The following TOLLIP variants were observed in gnomAD, a reference collection of about 807,000 sequenced individuals.
The protein encoded by TOLLIP is toll interacting protein.
A neutral mutation model predicts 33.5 loss-of-function variants in TOLLIP; 16 were observed. That is an observed-to-expected ratio of 0.48 (90% CI 0.32 to 0.72). The LOEUF is 0.72. Ranked by LOEUF, TOLLIP falls within the 30% of genes least tolerant of loss-of-function variation. TOLLIP has a pLI of 0.03. For synonymous variants in TOLLIP, 176 were observed against 163.7 expected, an observed-to-expected ratio of 1.07 and a Z score of -0.57; for missense variants, 325 against 396.6, an observed-to-expected ratio of 0.82 and a Z score of 1.53.
intron 1 of TOLLIP, among the ~76,000 whole-genome samples, chr11:1,307,298 A>G (rs1864445733): frequency 6.6e-6 from 1 of 152,178 alleles, no homozygotes; most frequent in East Asian, 1.9e-4. Context: ...CGTCTACATG[A>G]TGGAAACAGC....
chr11:1,290,367 A>AG lies in TOLLIP; in HGVS notation c.225dup (p.Tyr76LeufsTer27). On this transcript the variant is annotated frameshift_variant, in exon 3 of 6. Transcript: ENST00000317204. LOFTEE classifies it high-confidence loss of function. The surrounding 1 kb of genome is among the most constrained non-coding windows in gnomAD (Gnocchi z 4.9). The stretch of plus-strand genomic sequence containing the variant: ...GCGTAGCCCAGGCGCAGTCGGCAGT[A>AG]GGGGTCCATGCGGGTCATGCCGTAA... 6.2e-7 allele frequency: 1 copy of AG among 1,613,476 alleles called. No individual in the cohort carries two copies. Among genetic ancestry groups the AG allele is most frequent in the Non-Finnish European group, 8.5e-7 (1 of 1,179,948 alleles).
chr11:1,292,895 G>A (rs1158937608), intron 2 of TOLLIP, among the ~76,000 whole-genome samples: 1 of 152,268 alleles, frequency 6.6e-6, no homozygotes, highest in Non-Finnish European at 1.5e-5. Context: ...GGAAGCGGGA[G>A]GAGAACGGCC....
In TOLLIP at chr11:1,275,021, C is replaced by T. The variant is rs1326917713; in HGVS notation, c.*2018G>A. 1.3e-5 allele frequency: 2 copies of T among 152,166 alleles called. No homozygotes were observed. The highest frequency in any genetic ancestry group is 2.9e-5 in the Non-Finnish European group (2 of 68,022). 9.4% of individuals were successfully genotyped at this position (152,166 alleles called of 1,614,324 possible). A position where few individuals can be genotyped will look rare whatever the true frequency, so the allele number is the denominator to read the frequency against. ...AGAAGAATCTTATTTAATTAAAGGC[C>T]TTGCAAAATGTGATTTGTCTATTAA... On this transcript the variant is annotated 3_prime_UTR_variant, in exon 6 of 6. Coordinates refer to ENST00000317204, the MANE Select transcript of TOLLIP (RefSeq NM_019009.4).
chr11:1,290,356 C>T lies in TOLLIP; in HGVS notation c.237G>A (p.Leu79=), dbSNP rs1414583410. 1.2e-6 allele frequency: 2 copies of T among 1,613,528 alleles called. No homozygotes were observed. Among genetic ancestry groups the T allele is most frequent in the Non-Finnish European group, 1.7e-6 (2 of 1,179,982 alleles). The change falls in exon 3 of 6, where the codon CTG becomes CTA. Residue 79 remains leucine, a synonymous_variant. Coordinates refer to ENST00000317204, the MANE Select transcript of TOLLIP (RefSeq NM_019009.4). This position sits in a 1 kb window ranked among gnomAD's most constrained non-coding sequence, Gnocchi z 4.9. The stretch of plus-strand genomic sequence containing the variant: ...TCTCGTACACCGCGTAGCCCAGGCG[C>T]AGTCGGCAGTAGGGGTCCATGCGGG... ...GMTRMDPYCR[L]RLGYAVYETP...
At chr11:1,287,392 G>GCCGC (rs1165245357) in intron 4 of TOLLIP, among the ~76,000 whole-genome samples, 2 of 106,262 alleles carry the variant, frequency 1.9e-5, no homozygotes, top group African/African-American at 3.9e-5. Context: ...GCTCCCTGCT[G>GCCGC]CTGCCTCCCC....
At chr11:1,286,158 C>A (rs1025972946) in intron 4 of TOLLIP, 66 bp from the exon 5 acceptor site, 1 of 1,300,086 alleles carries the variant, frequency 7.7e-7, no homozygotes. Flanking sequence ...CCTCGGGAAT[C>A]GCCCTCCCCA....
rs1381762490 is a variant in TOLLIP at position 1,301,025 on chromosome 11, G to C, written c.34-5231C>G. 2.0e-5 allele frequency among the ~76,000 whole-genome samples: 3 copies of C among 152,270 alleles called. No homozygotes were observed. The East Asian group carries it at 5.8e-4, about 29-fold the overall frequency. ...TCAACGAGTCTCAGCGCTAACGCCA[G>C]GTTAGCATAACTAAGTCGAACGAAG... is the stretch of plus-strand genomic sequence containing the variant. On this transcript the variant is annotated intron_variant, in intron 1 of 5. Transcript: ENST00000317204.
intron 1 of TOLLIP, among the ~76,000 whole-genome samples, chr11:1,307,709 G>A (rs1393162318): frequency 1.3e-5 from 2 of 152,204 alleles, no homozygotes; most frequent in Admixed American, 6.5e-5. Context: ...GGCTGCCACG[G>A]CAACTTGCGG....
rs1037787150 is a variant in TOLLIP at position 1,299,082 on chromosome 11, G to C, written c.34-3288C>G. Among the ~76,000 whole-genome samples, 3 of 152,248 alleles carry C rather than the reference G, an allele frequency of 2.0e-5. No homozygotes were observed. In the South Asian group the frequency reaches 6.2e-4, roughly 31 times the overall value. On this transcript the variant is annotated intron_variant, in intron 1 of 5. Coordinates refer to ENST00000317204, the MANE Select transcript of TOLLIP (RefSeq NM_019009.4). Reference sequence around the variant, plus strand: ...GCTCAGCGCCACAGCTGTGAGAGCTGTTCCCGGGGAGGGGAGCGTCGGCCA... The same window carrying C: ...GCTCAGCGCCACAGCTGTGAGAGCTCTTCCCGGGGAGGGGAGCGTCGGCCA...
Position 1,278,702 on chromosome 11 carries a change from C to A in TOLLIP, c.611-1449G>T, listed in dbSNP as rs570339006. Among the ~76,000 whole-genome samples the A allele has an allele frequency of 6.6e-6, 1 of 152,348 alleles. No homozygotes were observed. The highest frequency in any genetic ancestry group is 1.9e-4 in the East Asian group (1 of 5,188). Reference sequence around the variant, plus strand: ...CTTGTCCTGGCCACTGGACACCTCACCTCACTGGGGAAGCATCATCCCCAT... The same window carrying A: ...CTTGTCCTGGCCACTGGACACCTCAACTCACTGGGGAAGCATCATCCCCAT... On this transcript the variant is annotated intron_variant, in intron 5 of 5. Transcript: ENST00000317204. This position sits in a 1 kb window ranked among gnomAD's most constrained non-coding sequence, Gnocchi z 4.7.
At chr11:1,282,601 T>C (rs1213901958) in intron 5 of TOLLIP, among the ~76,000 whole-genome samples, 1 of 150,966 alleles carries the variant, frequency 6.6e-6, no homozygotes, top group Non-Finnish European at 1.5e-5. Context: ...GTTGTGCACA[T>C]GTACCCTAAA....
intron 1 of TOLLIP, among the ~76,000 whole-genome samples, chr11:1,301,780 G>C (rs1864284906): frequency 6.6e-6 from 1 of 152,192 alleles, no homozygotes; most frequent in Non-Finnish European, 1.5e-5. Flanking sequence ...TCAGAGCTGG[G>C]ACCCACAGCA....
chr11:1,302,177 C>T (rs1222393718), intron 1 of TOLLIP, among the ~76,000 whole-genome samples: 2 of 152,258 alleles, frequency 1.3e-5, no homozygotes, highest in Non-Finnish European at 2.9e-5. Context: ...ATGGCCCATC[C>T]ACCCGATGCC....
At chr11:1,298,607 T>G (rs566530726) in intron 1 of TOLLIP, 1 of 152,330 alleles carries the variant, frequency 6.6e-6, no homozygotes, top group Non-Finnish European at 1.5e-5. Context: ...AATGATCAAG[T>G]GTCATTTTTC....
chr11:1,295,884 C>T (rs763255290), intron 1 of TOLLIP, 90 bp from the exon 2 acceptor site: 168 of 1,437,904 alleles, frequency 1.2e-4, no homozygotes, highest in African/African-American at 7.1e-4. Flanking sequence ...CCCGCGGCCC[C>T]GCCCCCACCC....
At chr11:1,279,645 T>C (rs1338170832) in intron 5 of TOLLIP, among the ~76,000 whole-genome samples, 3 of 152,222 alleles carry the variant, frequency 2.0e-5, no homozygotes, top group Non-Finnish European at 4.4e-5. Flanking sequence ...CGCGGACGGA[T>C]GTGCAGCACA....
chr11:1,290,324 G>A lies in TOLLIP; in HGVS notation c.269C>T (p.Thr90Met), dbSNP rs764227120. The change falls in exon 3 of 6, where the codon ACG (threonine) becomes ATG (methionine). Residue 90 changes from threonine to methionine, a missense_variant. By Grantham distance (81) the Thr-to-Met change is moderately conservative (BLOSUM62 -1). Transcript: ENST00000317204. This position sits in a 1 kb window ranked among gnomAD's most constrained non-coding sequence, Gnocchi z 4.9. ...GGGATTCTTGGCGCCATTGTGTGCC[G>A]TGGGCGTCTCGTACACCGCGTAGCC... The part of the protein sequence containing the change: ...RLGYAVYETP[T>M]AHNGAKNPRW... 7.4e-6 allele frequency: 12 copies of A among 1,613,608 alleles called. No homozygotes were observed. Among genetic ancestry groups the A allele is most frequent in the East Asian group, 2.2e-5 (1 of 44,880 alleles).
intron 5 of TOLLIP, 139 bp downstream of exon 5, chr11:1,285,863 C>T (rs1863674364): frequency 1.1e-5 from 6 of 529,164 alleles, no homozygotes; most frequent in East Asian, 3.4e-5. Flanking sequence ...GATCTGTGTG[C>T]GGTCAGCACG....
chr11:1,302,878 A>T (rs1864323456), intron 1 of TOLLIP: 2 of 818,498 alleles, frequency 2.4e-6, no homozygotes, highest in South Asian at 5.6e-5. Flanking sequence ...CTCGCTGAGC[A>T]CTCATTCGCC....
Sources: gnomAD v4.1 joint callset for allele counts (sites outside exome capture counted in the v4.1 genomes callset) on GRCh38, gnomAD v4.1.1 for gene constraint, Gnocchi (gnomAD v3.1) non-coding constraint, MANE v1.5 for transcripts, NCBI Gene and HGNC (gene_info 2026-07-23, HGNC 2026-07-21) for gene names.